The following AGBL4 variants were observed in gnomAD, a reference collection of about 807,000 sequenced individuals.
AGBL4 encodes the protein cytosolic carboxypeptidase 6.
Under a neutral mutation model 66.4 loss-of-function variants are expected in AGBL4, and 58 were observed. The ratio of observed to expected loss-of-function variants is 0.87; its 90% confidence interval spans 0.71 to 1.09. AGBL4 has a LOEUF of 1.09. Among genes scored for constraint, AGBL4 ranks in the 50% least tolerant of loss-of-function variants. The pLI, the probability that AGBL4 is intolerant of heterozygous loss-of-function variation, is 0.00. For missense variants in AGBL4, 579 were observed against 631.0 expected (o/e 0.92, Z 0.88); for synonymous variants, 234 against 222.9 (o/e 1.05, Z -0.44).
intron 6 of AGBL4, among the ~76,000 whole-genome samples, chr1:48,793,838 C>A (rs1462376324): frequency 6.6e-6 from 1 of 152,116 alleles, no homozygotes; most frequent in Non-Finnish European, 1.5e-5. Flanking sequence ...GGTATAAAGT[C>A]ATCAGTTAGA....
chr1:48,574,882 G>C (rs886095588), intron 11 of AGBL4, among the ~76,000 whole-genome samples: 3 of 152,142 alleles, frequency 2.0e-5, no homozygotes, highest in Non-Finnish European at 4.4e-5. Flanking sequence ...CCTGAAGTGA[G>C]GTATGAGATG....
At chr1:49,767,941 A>T (rs976047403) in intron 2 of AGBL4, among the ~76,000 whole-genome samples, 3 of 152,010 alleles carry the variant, frequency 2.0e-5, no homozygotes, top group African/African-American at 7.2e-5. Context: ...CAAGTTCGAA[A>T]ATTGAATCAG....
chr1:49,255,229 A>C (rs1293266683), intron 3 of AGBL4, among the ~76,000 whole-genome samples: 2 of 152,202 alleles, frequency 1.3e-5, no homozygotes, highest in African/African-American at 2.4e-5. Context: ...ACAGATGATA[A>C]CCTACAGAAT....
intron 4 of AGBL4, among the ~76,000 whole-genome samples, chr1:49,142,216 G>A (rs756072548): frequency 6.6e-6 from 1 of 152,048 alleles, no homozygotes; most frequent in Non-Finnish European, 1.5e-5. Flanking sequence ...CCTGTTTCTG[G>A]TCCATGGAAA....
chr1:49,582,937 G>A (rs1368252724), intron 3 of AGBL4, among the ~76,000 whole-genome samples: 1 of 152,172 alleles, frequency 6.6e-6, no homozygotes, highest in East Asian at 1.9e-4. Context: ...AGTGGTTTTT[G>A]CCTTAGAGGA....
chr1:49,294,542 C>A (rs1367900944), intron 3 of AGBL4, among the ~76,000 whole-genome samples: 2 of 152,156 alleles, frequency 1.3e-5, no homozygotes, highest in African/African-American at 4.8e-5. Context: ...CTGTGGCATG[C>A]CTATGAGACC....
chr1:48,870,581 TTG>T (rs1383532415), intron 5 of AGBL4, among the ~76,000 whole-genome samples: 1 of 152,196 alleles, frequency 6.6e-6, no homozygotes, highest in Admixed American at 6.5e-5. Context: ...TTGGGGTTCT[TTG>T]CCTTTAAGAT....
chr1:49,237,636 C>A (rs112336848), intron 4 of AGBL4, among the ~76,000 whole-genome samples: 8 of 145,960 alleles, frequency 5.5e-5, no homozygotes, highest in Admixed American at 6.8e-5. Context: ...AGAAACTCTA[C>A]CTTATTTTAA....
At chr1:49,706,105 A>T (rs1358138326) in intron 2 of AGBL4, among the ~76,000 whole-genome samples, 3 of 152,192 alleles carry the variant, frequency 2.0e-5, no homozygotes, top group Non-Finnish European at 4.4e-5. Context: ...ATTGTTTGAA[A>T]TAGTTTTAGA....
At chr1:49,250,291 G>A (rs1048623760) in intron 3 of AGBL4, among the ~76,000 whole-genome samples, 1 of 152,146 alleles carries the variant, frequency 6.6e-6, no homozygotes, top group Non-Finnish European at 1.5e-5. Context: ...ACTCAAATAA[G>A]TGGAATGGCT....
At position 49,769,942 on chromosome 1, in the gene AGBL4, CA is replaced by C. The variant is rs567482800; in HGVS notation, c.158-72506del. 4.6e-3 allele frequency among the ~76,000 whole-genome samples: 701 copies of C among 152,068 alleles called. 6 individuals are homozygous for C. The highest frequency in any genetic ancestry group is 0.016 in the African/African-American group (681 of 41,512). ...ACTAATTCATCAAAAGCAATTGCAA[CA>C]AAAAACAAAAATTGACAAGTGGGAC... On this transcript the variant is annotated intron_variant, in intron 2 of 13. Transcript: ENST00000371839.
At chr1:48,636,287 G>T (rs763498163) in intron 8 of AGBL4, among the ~76,000 whole-genome samples, 13 of 152,344 alleles carry the variant, frequency 8.5e-5, no homozygotes, top group Non-Finnish European at 1.5e-4. Flanking sequence ...AGCCTTTGAT[G>T]TAGTTCCTGC....
intron 1 of AGBL4, among the ~76,000 whole-genome samples, chr1:49,989,267 G>A (rs1461616030): frequency 6.6e-6 from 1 of 152,176 alleles, no homozygotes; most frequent in Non-Finnish European, 1.5e-5. Context: ...GGGAAAACAA[G>A]ACATGTGCAT....
chr1:48,687,405 T>C lies in AGBL4; in HGVS notation c.635-24164A>G, dbSNP rs982460828. 1.3e-5 allele frequency among the ~76,000 whole-genome samples: 2 copies of C among 151,960 alleles called. 1 individual carries two copies. The highest frequency in any genetic ancestry group is 4.8e-5 in the African/African-American group (2 of 41,374). On this transcript the variant is annotated intron_variant, in intron 6 of 13. Transcript: ENST00000371839. ...CCCCGGTGGGCCGCGGGTGGGCGGG[T>C]GCTCTTGCTAGCAGGTGATGAGTCT...
chr1:48,850,594 G>A (rs1185813813), intron 6 of AGBL4, among the ~76,000 whole-genome samples: 4 of 150,754 alleles, frequency 2.7e-5, no homozygotes, highest in Admixed American at 6.6e-5. Context: ...GTGTGATCTC[G>A]GCTCACTGCA....
At chr1:48,831,193 T>G (rs777850336) in intron 6 of AGBL4, among the ~76,000 whole-genome samples, 1 of 152,130 alleles carries the variant, frequency 6.6e-6, no homozygotes, top group Non-Finnish European at 1.5e-5. Context: ...AGGGCAGAAG[T>G]ATAGTCTATA....
chr1:49,366,648 G>A (rs1329004863), intron 3 of AGBL4, among the ~76,000 whole-genome samples: 6 of 152,140 alleles, frequency 3.9e-5, no homozygotes, highest in Non-Finnish European at 8.8e-5. Flanking sequence ...GTGAGGTGGT[G>A]GTGTGGTGAG....
At chr1:49,286,929 A>G (rs1644425047) in intron 3 of AGBL4, among the ~76,000 whole-genome samples, 1 of 152,168 alleles carries the variant, frequency 6.6e-6, no homozygotes, top group Non-Finnish European at 1.5e-5. Flanking sequence ...AAAAGAACAA[A>G]GCTGGAGGCA....
chr1:49,237,031 G>A (rs533616491), intron 4 of AGBL4, among the ~76,000 whole-genome samples: 24 of 151,832 alleles, frequency 1.6e-4, no homozygotes, highest in Admixed American at 3.9e-4. Context: ...CAAGGTGGGC[G>A]GATCATGAGG....
Sources: gnomAD v4.1 joint callset for allele counts (sites outside exome capture counted in the v4.1 genomes callset) on GRCh38, gnomAD v4.1.1 for gene constraint, MANE v1.5 for transcripts, NCBI Gene and HGNC (gene_info 2026-07-23, HGNC 2026-07-21) for gene names.